Variants in HAUS1 observed in about 807,000 individuals in gnomAD.
HAUS1 encodes HAUS augmin like complex subunit 1.
In HAUS1, 25 loss-of-function variants were observed where a neutral mutation model predicts 38.6. The observed-to-expected ratio is 0.65, with a 90% CI of 0.47 to 0.91. The LOEUF (loss-of-function observed/expected upper bound fraction) is 0.91, where lower values mean the gene tolerates loss of function less well. Among genes scored for constraint, HAUS1 ranks in the 40% least tolerant of loss-of-function variants. The pLI is 0.00. For missense variants in HAUS1, 325 were observed against 328.4 expected (o/e 0.99, Z 0.08); for synonymous variants, 109 against 112.9 (o/e 0.97, Z 0.22).
intron 2 of HAUS1, among the ~76,000 whole-genome samples, chr18:46,117,650 A>G (rs1487529151): frequency 1.3e-5 from 2 of 152,112 alleles, no homozygotes; most frequent in Admixed American, 6.6e-5. Flanking sequence ...TCTAGTCTCT[A>G]TAAGAAAAAA....
At chr18:46,113,051 AT>A (rs370897014) in intron 2 of HAUS1, among the ~76,000 whole-genome samples, 3 of 134,060 alleles carry the variant, frequency 2.2e-5, no homozygotes, top group South Asian at 2.2e-4. Context: ...TATATTCCAT[AT>A]TATATATATA....
intron 8 of HAUS1, among the ~76,000 whole-genome samples, chr18:46,127,814 TTTCTC>T (rs1912152665): frequency 6.6e-6 from 1 of 152,146 alleles, no homozygotes; most frequent in Non-Finnish European, 1.5e-5. Flanking sequence ...TCGTTACAGA[TTTCTC>T]TCTCTCTAAA....
At chr18:46,118,985 A>G (rs1161110524) in intron 3 of HAUS1, among the ~76,000 whole-genome samples, 1 of 152,118 alleles carries the variant, frequency 6.6e-6, no homozygotes, top group Non-Finnish European at 1.5e-5. Flanking sequence ...CTCCTACCTC[A>G]GCCTCCCAAA....
At chr18:46,122,714 C>T (rs1568266398) in intron 5 of HAUS1, 124 bp downstream of exon 5, 10 of 1,025,292 alleles carry the variant, frequency 9.8e-6, no homozygotes, top group Non-Finnish European at 1.4e-5. Context: ...TGGTAAGTTG[C>T]CCAAGATTAC....
chr18:46,111,811 T>A (rs1055341098), intron 2 of HAUS1, among the ~76,000 whole-genome samples: 1 of 152,004 alleles, frequency 6.6e-6, no homozygotes, highest in African/African-American at 2.4e-5. Flanking sequence ...TTCTGGTACT[T>A]CCATTATGCG....
chr18:46,109,391 G>A (rs572917646), intron 2 of HAUS1, among the ~76,000 whole-genome samples: 1 of 152,256 alleles, frequency 6.6e-6, no homozygotes, highest in African/African-American at 2.4e-5. Context: ...GTGGGGCCAC[G>A]GAGCCAAACT....
chr18:46,114,346 T>A (rs752233019), intron 2 of HAUS1, among the ~76,000 whole-genome samples: 1 of 152,202 alleles, frequency 6.6e-6, no homozygotes, highest in Non-Finnish European at 1.5e-5. Flanking sequence ...GATTTTCCCA[T>A]GAGGCAAAAT....
At chr18:46,118,549 T>C in intron 3 of HAUS1, 1 of 466,214 alleles carries the variant, frequency 2.1e-6, no homozygotes, top group Non-Finnish European at 3.8e-6. Flanking sequence ...TTCTCATGTA[T>C]ATTTGGAAAG....
At chr18:46,118,953 C>T (rs577937586) in intron 3 of HAUS1, among the ~76,000 whole-genome samples, 3 of 152,194 alleles carry the variant, frequency 2.0e-5, no homozygotes, top group Admixed American at 6.6e-5. Flanking sequence ...CTACAACCTC[C>T]GCCTCCCGGG....
rs375007377 is a variant in HAUS1 at position 46,105,170 on chromosome 18, A to G, written c.31-24A>G. On this transcript the variant is annotated intron_variant, in intron 1 of 8. Coordinates refer to ENST00000282058, the MANE Select transcript of HAUS1 (RefSeq NM_138443.4). ...CATTACAGTAAACAAGGCTTATAAT[A>G]TTTGTCTTTCTTTTAATGGTTAGGT... 433 of 1,557,002 alleles carry G rather than the reference A, an allele frequency of 2.8e-4. 4 individuals carry two copies. The South Asian group carries it at 4.3e-3, about 15-fold the overall frequency.
Position 46,110,152 on chromosome 18 carries a change from C to CTTTTT in HAUS1, c.205+4801_205+4805dup, listed in dbSNP as rs869105132. Among the ~76,000 whole-genome samples, 159 of 115,328 alleles carry CTTTTT rather than the reference C, an allele frequency of 1.4e-3. 1 individual carries two copies. Among genetic ancestry groups the CTTTTT allele is most frequent in the African/African-American group, 2.9e-3 (83 of 28,778 alleles). 75.7% of individuals were successfully genotyped at this position (115,328 alleles called of 152,430 possible). ...TCTATCTAGCAGACTTTATTTTGTC[C>CTTTTT]TTTTTTTTTTTTTTTTTTTTTGACA... On this transcript the variant is annotated intron_variant, in intron 2 of 8. Coordinates refer to ENST00000282058, the MANE Select transcript of HAUS1 (RefSeq NM_138443.4).
intron 4 of HAUS1, 86 bp downstream of exon 4, chr18:46,120,146 A>G: frequency 3.3e-6 from 3 of 915,502 alleles, no homozygotes; most frequent in Non-Finnish European, 4.9e-6. Context: ...AGTAGGTGTG[A>G]TTTTAAAAAC....
chr18:46,127,722 A>AT (rs1423127882), intron 8 of HAUS1, among the ~76,000 whole-genome samples: 2 of 151,842 alleles, frequency 1.3e-5, no homozygotes, highest in African/African-American at 4.8e-5. Context: ...AAAAAAAAAA[A>AT]AACACAGAAA....
chr18:46,107,421 T>C (rs899910989), intron 2 of HAUS1, among the ~76,000 whole-genome samples: 1 of 152,198 alleles, frequency 6.6e-6, no homozygotes, highest in Non-Finnish European at 1.5e-5. Context: ...GGGTGATACA[T>C]ATTAAATAAC....
chr18:46,127,803 G>A (rs1432155868), intron 8 of HAUS1, among the ~76,000 whole-genome samples: 3 of 151,518 alleles, frequency 2.0e-5, no homozygotes, highest in Admixed American at 1.3e-4. Flanking sequence ...TTATTCATAT[G>A]TCGTTACAGA....
chr18:46,105,592 G>GTGTGTA (rs796714516), intron 2 of HAUS1, among the ~76,000 whole-genome samples: 47 of 145,032 alleles, frequency 3.2e-4, no homozygotes, highest in African/African-American at 1.2e-3. Context: ...GTGTGTGTGT[G>GTGTGTA]TATATATTTT....
In HAUS1 at chr18:46,105,337, G is replaced by C; in HGVS notation, c.174G>C (p.Leu58Phe). Reference sequence around the variant, plus strand: ...ATGTCTACCTGGTAATAGAGGACTTGAAGCAGAAAGCAAGTGAATACGAGT... The same window carrying C: ...ATGTCTACCTGGTAATAGAGGACTTCAAGCAGAAAGCAAGTGAATACGAGT... The part of the protein sequence containing the change: ...DRDVYLVIED[L>F]KQKASEYESE... The change falls in exon 2 of 9, where the codon TTG becomes TTC. Residue 58 changes from leucine (L) to phenylalanine (F), a missense_variant. Physicochemically the swap from Leu to Phe is conservative, Grantham distance 22. Transcript: ENST00000282058. 1 of 1,613,400 alleles carries C rather than the reference G, an allele frequency of 6.2e-7. No individual in the cohort carries two copies. Among genetic ancestry groups the C allele is most frequent in the Non-Finnish European group, 8.5e-7 (1 of 1,179,712 alleles).
intron 8 of HAUS1, among the ~76,000 whole-genome samples, chr18:46,127,722 A>T (rs536600120): frequency 1.0e-3 from 153 of 151,956 alleles, no homozygotes; most frequent in African/African-American, 3.2e-3. Flanking sequence ...AAAAAAAAAA[A>T]AACACAGAAA....
intron 2 of HAUS1, among the ~76,000 whole-genome samples, chr18:46,106,017 A>ATCTGTTTTT (rs2144241724): frequency 6.6e-6 from 1 of 152,180 alleles, no homozygotes; most frequent in South Asian, 2.1e-4. Flanking sequence ...TTACTTACCT[A>ATCTGTTTTT]TCTGTTTTTT....
Sources: allele counts gnomAD v4.1 joint callset (sites outside exome capture counted in the v4.1 genomes callset), GRCh38; gene constraint gnomAD v4.1.1; transcripts MANE v1.5; gene names NCBI Gene and HGNC (gene_info 2026-07-23, HGNC 2026-07-21).